PCDHA1: variants seen among roughly 807,000 people sequenced by gnomAD.
PCDHA1 encodes the protein protocadherin alpha-1.
A neutral mutation model predicts 61.3 loss-of-function variants in PCDHA1; 42 were observed. That is an observed-to-expected ratio of 0.69 (90% CI 0.54 to 0.89). PCDHA1 has a LOEUF of 0.89. Among genes scored for constraint, PCDHA1 ranks in the 40% least tolerant of loss-of-function variants. PCDHA1 has a pLI of 0.00. For synonymous variants in PCDHA1, 610 were observed against 553.8 expected (o/e 1.10, Z -1.43); for missense variants, 1,256 against 1,235.3 (o/e 1.02, Z -0.25).
Position 140,788,083 on chromosome 5 carries a change from A to T in PCDHA1, c.1793A>T (p.Asp598Val). The change falls in exon 1 of 4, where the codon GAC becomes GTC. Residue 598 changes from aspartate (D) to valine (V), a missense_variant. Coordinates refer to ENST00000504120, the MANE Select transcript of PCDHA1 (RefSeq NM_018900.4). ...GHVVAKVRAV[D>V]ADSGYNAWLS... ...GTGGTGGCGAAGGTGCGCGCAGTGG[A>T]CGCCGACTCGGGCTACAACGCGTGG... The T allele has an allele frequency of 1.2e-6, 2 of 1,613,898 alleles. No homozygotes were observed. Among genetic ancestry groups the T allele is most frequent in the Non-Finnish European group, 1.7e-6 (2 of 1,179,872 alleles).
chr5:140,798,748 G>T (rs1428818626), intron 1 of PCDHA1, among the ~76,000 whole-genome samples: 3 of 152,044 alleles, frequency 2.0e-5, no homozygotes, highest in Admixed American at 2.0e-4. Context: ...ATTTATTTTG[G>T]GTAATTATAA....
intron 1 of PCDHA1, chr5:140,867,560 C>G (rs1352328708): frequency 1.3e-5 from 2 of 152,070 alleles, no homozygotes; most frequent in African/African-American, 4.8e-5. Context: ...CATATGATAA[C>G]TTTTTCATAT....
At chr5:140,987,588 A>G (rs1479484790) in intron 3 of PCDHA1, among the ~76,000 whole-genome samples, 1 of 152,220 alleles carries the variant, frequency 6.6e-6, no homozygotes, top group Non-Finnish European at 1.5e-5. Flanking sequence ...TGGGGAGAAT[A>G]GTGGTGTCTA....
intron 3 of PCDHA1, among the ~76,000 whole-genome samples, chr5:140,987,740 A>G (rs1454887233): frequency 6.6e-6 from 1 of 152,078 alleles, no homozygotes; most frequent in Admixed American, 6.5e-5. Flanking sequence ...CAAAATTTAG[A>G]CCCAGGTTGT....
At position 140,787,664 on chromosome 5, in the gene PCDHA1, CG is replaced by C. The variant is rs782022046; in HGVS notation, c.1375del (p.Glu459SerfsTer6). Reference protein sequence around the residue: ...NDNAPAFAQPEYTVFVKENNP... With the variant: ...NDNAPAFAQPXYTVFVKENNP... ...ACAACGCGCCTGCGTTCGCGCAGCC[CG>C]AGTACACAGTATTCGTGAAGGAGAA... On this transcript the variant is annotated frameshift_variant, in exon 1 of 4. Coordinates refer to ENST00000504120, the MANE Select transcript of PCDHA1 (RefSeq NM_018900.4). LOFTEE classifies it high-confidence loss of function. 1.2e-6 allele frequency: 2 copies of C among 1,613,792 alleles called. No homozygotes were observed. Among genetic ancestry groups the C allele is most frequent in the East Asian group, 4.5e-5 (2 of 44,834 alleles).
At chr5:140,842,005 G>A (rs1777641474) in intron 1 of PCDHA1, 2 of 1,613,756 alleles carry the variant, frequency 1.2e-6, no homozygotes, top group Non-Finnish European at 1.7e-6. Context: ...CTGTTCAGCT[G>A]CTGGTCACAG....
In PCDHA1 at chr5:140,964,167, C is replaced by T. The variant is rs370784169; in HGVS notation, c.2395-14782C>T. Reference sequence around the variant, plus strand: ...AGCCTCAGTATAATGGTGTGAGGAACGAAATCATTATAGTGCCAAATAGAG... The same window carrying T: ...AGCCTCAGTATAATGGTGTGAGGAATGAAATCATTATAGTGCCAAATAGAG... On this transcript the variant is annotated intron_variant, in intron 1 of 3. Coordinates refer to ENST00000504120, the MANE Select transcript of PCDHA1 (RefSeq NM_018900.4). Among the ~76,000 whole-genome samples, 16 of 152,250 alleles carry T rather than the reference C, an allele frequency of 1.1e-4. 1 individual carries two copies. The highest frequency in any genetic ancestry group is 3.4e-4 in the African/African-American group (14 of 41,544).
intron 1 of PCDHA1, chr5:140,869,781 T>C (rs781934601): frequency 6.2e-7 from 1 of 1,612,992 alleles, no homozygotes; most frequent in South Asian, 1.1e-5. Context: ...CTGGCACCGT[T>C]CGGCTGTTAG....
chr5:140,834,485 G>T (rs2150219471), intron 1 of PCDHA1: 3 of 1,614,120 alleles, frequency 1.9e-6, no homozygotes. Flanking sequence ...TCCACTACTC[G>T]GTCCCCGAGG....
chr5:140,861,466 T>C (rs533343348), intron 1 of PCDHA1: 34 of 493,930 alleles, frequency 6.9e-5, no homozygotes, highest in African/African-American at 6.7e-4. Context: ...GAGGTAAATC[T>C]GCAGAATGGC....
chr5:140,927,959 G>A lies in PCDHA1; in HGVS notation c.2395-50990G>A. On this transcript the variant is annotated intron_variant, in intron 1 of 3. Transcript: ENST00000504120. ...CCAGTACCTGAGGACGCTGCCCCTG[G>A]CACAGTGATTGCTCTCTTTAGTGTA... 1 of 1,614,190 alleles carries A rather than the reference G, an allele frequency of 6.2e-7. No individual in the cohort carries two copies. Among genetic ancestry groups the A allele is most frequent in the East Asian group, 2.2e-5 (1 of 44,886 alleles).
intron 1 of PCDHA1, among the ~76,000 whole-genome samples, chr5:140,958,824 A>G (rs1008923744): frequency 5.9e-5 from 9 of 152,158 alleles, no homozygotes; most frequent in Admixed American, 5.9e-4. Context: ...TAATTTTTAT[A>G]TCTTAAAGTT....
intron 1 of PCDHA1, chr5:140,875,641 G>A (rs782380583): frequency 6.2e-7 from 1 of 1,613,690 alleles, no homozygotes; most frequent in South Asian, 1.1e-5. Flanking sequence ...GCTGGAGCTG[G>A]CGGAGCTGGT....
At position 140,787,734 on chromosome 5, in the gene PCDHA1, G is replaced by T. The variant is rs1194182243; in HGVS notation, c.1444G>T (p.Ala482Ser). Reference sequence around the variant, plus strand: ...CATCTTCACGGTGTCTGCGCGGGACGCGGACGCGCAGGAGAACGCGCTGGT... The same window carrying T: ...CATCTTCACGGTGTCTGCGCGGGACTCGGACGCGCAGGAGAACGCGCTGGT... ...CHIFTVSARD[A>S]DAQENALVSY... The change falls in exon 1 of 4, where the codon GCG becomes TCG. Residue 482 changes from alanine to serine, a missense_variant. Coordinates refer to ENST00000504120, the MANE Select transcript of PCDHA1 (RefSeq NM_018900.4). The T allele has an allele frequency of 1.2e-6, 2 of 1,613,496 alleles. No homozygotes were observed. Among genetic ancestry groups the T allele is most frequent in the African/African-American group, 2.7e-5 (2 of 74,914 alleles).
At chr5:140,926,471 T>G in intron 1 of PCDHA1, 1 of 162,332 alleles carries the variant, frequency 6.2e-6, no homozygotes, top group Non-Finnish European at 1.3e-5. Context: ...GAAAACACCG[T>G]TTAAGGAGAG....
At position 141,010,166 on chromosome 5, in the gene PCDHA1, A is replaced by T; in HGVS notation, c.*229A>T. 1 of 1,562,828 alleles carries T rather than the reference A, an allele frequency of 6.4e-7. No individual in the cohort carries two copies. On this transcript the variant is annotated 3_prime_UTR_variant, in exon 4 of 4. Coordinates refer to ENST00000504120, the MANE Select transcript of PCDHA1 (RefSeq NM_018900.4). ...TCTCTCCACTCTGGCTTGTTTTCAG[A>T]ACCTAAAAAGCAGACCCAAGTTTCC... is the stretch of plus-strand genomic sequence containing the variant.
chr5:140,882,061 G>GT, intron 1 of PCDHA1: 1 of 816,902 alleles, frequency 1.2e-6, no homozygotes, highest in Non-Finnish European at 1.9e-6. Flanking sequence ...ACACTTACAC[G>GT]TTCATGCGCA....
chr5:140,877,206 C>T (rs782807049), intron 1 of PCDHA1: 3 of 1,613,650 alleles, frequency 1.9e-6, no homozygotes, highest in African/African-American at 2.7e-5. Flanking sequence ...GCGCAGTTAG[C>T]GAGTTGGTAC....
chr5:140,796,559 A>C, intron 1 of PCDHA1: 2 of 1,613,286 alleles, frequency 1.2e-6, no homozygotes, highest in Non-Finnish European at 1.7e-6. Flanking sequence ...GAGCTGCTGC[A>C]GTTCCAGGTG....
Sources: gnomAD v4.1 joint callset for allele counts (sites outside exome capture counted in the v4.1 genomes callset) on GRCh38, gnomAD v4.1.1 for gene constraint, MANE v1.5 for transcripts, NCBI Gene and HGNC (gene_info 2026-07-23, HGNC 2026-07-21) for gene names.